The following SNX9 variants were observed in gnomAD, a reference collection of about 807,000 sequenced individuals.
The protein encoded by SNX9 is sorting nexin 9, also known as sorting nexin-9.
A neutral mutation model predicts 89.4 loss-of-function variants in SNX9; 44 were observed. The ratio of observed to expected loss-of-function variants is 0.49; its 90% CI spans 0.39 to 0.63. The LOEUF (loss-of-function observed/expected upper bound fraction) is 0.63, where lower values mean the gene tolerates loss of function less well. SNX9 is among the 30% of genes least tolerant of loss of function. SNX9 has a pLI of 0.00. For missense variants in SNX9, 578 were observed against 736.1 expected (o/e 0.79, Z 2.49); for synonymous variants, 236 against 247.8 (o/e 0.95, Z 0.45).
intron 2 of SNX9, among the ~76,000 whole-genome samples, chr6:157,870,324 T>A (rs762545143): frequency 1.3e-5 from 2 of 148,752 alleles, no homozygotes; most frequent in Non-Finnish European, 3.0e-5. Context: ...ACCTACTCTC[T>A]CACCTGCGCT....
chr6:157,838,256 G>A (rs1781623647), intron 1 of SNX9, among the ~76,000 whole-genome samples: 1 of 151,328 alleles, frequency 6.6e-6, no homozygotes, highest in Non-Finnish European at 1.5e-5. Flanking sequence ...CAAGCAGTCT[G>A]CCCACCTCAG....
At chr6:157,853,307 A>C (rs1252269845) in intron 1 of SNX9, among the ~76,000 whole-genome samples, 1 of 152,020 alleles carries the variant, frequency 6.6e-6, no homozygotes, top group East Asian at 1.9e-4. Context: ...AGAATTCTGC[A>C]GTTATTCTTT....
chr6:157,825,483 A>G (rs1454300949), intron 1 of SNX9, among the ~76,000 whole-genome samples: 1 of 152,166 alleles, frequency 6.6e-6, no homozygotes, highest in Non-Finnish European at 1.5e-5. Flanking sequence ...TGGTTCTTGT[A>G]TATTAATCTC....
chr6:157,932,311 CT>C, intron 13 of SNX9, 39 bp downstream of exon 13: 1 of 1,565,604 alleles, frequency 6.4e-7, no homozygotes, highest in Non-Finnish European at 8.8e-7. Context: ...CCTTTAGAGC[CT>C]TATGTAGACC....
At chr6:157,865,971 A>G (rs1782253145) in intron 1 of SNX9, among the ~76,000 whole-genome samples, 1 of 152,194 alleles carries the variant, frequency 6.6e-6, no homozygotes, top group Non-Finnish European at 1.5e-5. Context: ...CTTTTAAACC[A>G]TATGTTTCCT....
intron 1 of SNX9, among the ~76,000 whole-genome samples, chr6:157,854,184 A>G (rs992228899): frequency 6.6e-6 from 1 of 152,182 alleles, no homozygotes; most frequent in Non-Finnish European, 1.5e-5. Context: ...TTTAAACTTT[A>G]CTATATTTGT....
In SNX9 at chr6:157,942,843, G is replaced by A; in HGVS notation, c.*5G>A. The stretch of plus-strand genomic sequence containing the variant: ...AGCCGCTTTCCAGTGATGTAGGACA[G>A]AACGGGCCTTGAAGAGAATGCCGCG... On this transcript the variant is annotated 3_prime_UTR_variant, in exon 18 of 18. Coordinates refer to ENST00000392185, the MANE Select transcript of SNX9 (RefSeq NM_016224.5). 6.2e-7 allele frequency: 1 copy of A among 1,612,902 alleles called. No individual in the cohort carries two copies. The highest frequency in any genetic ancestry group is 8.5e-7 in the Non-Finnish European group (1 of 1,179,396).
At position 157,823,824 on chromosome 6, in the gene SNX9, T is replaced by A. The variant is rs1781286975; in HGVS notation, c.12+378T>A. 6.6e-6 allele frequency among the ~76,000 whole-genome samples: 1 copy of A among 151,922 alleles called. No individual in the cohort carries two copies. The highest frequency in any genetic ancestry group is 1.5e-5 in the Non-Finnish European group (1 of 67,938). ...CCGAGGCGACTGGCGCTCTGTGGCG[T>A]CCGGCGTCCCCGCCGCCCCCACGTC... On this transcript the variant is annotated intron_variant, in intron 1 of 17. Transcript: ENST00000392185. This position sits in a 1 kb window ranked among gnomAD's most constrained non-coding sequence, Gnocchi z 4.6.
intron 9 of SNX9, among the ~76,000 whole-genome samples, chr6:157,912,963 C>G (rs566086943): frequency 4.6e-5 from 7 of 152,110 alleles, no homozygotes; most frequent in Non-Finnish European, 1.0e-4. Context: ...AGAGATAAAC[C>G]AGCTATGTCA....
intron 1 of SNX9, among the ~76,000 whole-genome samples, chr6:157,825,973 A>C (rs558184358): frequency 6.6e-6 from 1 of 152,290 alleles, no homozygotes; most frequent in African/African-American, 2.4e-5. Context: ...TAACTGATGA[A>C]AAGTAAATTC....
At chr6:157,847,756 G>C (rs941752760) in intron 1 of SNX9, among the ~76,000 whole-genome samples, 25 of 152,050 alleles carry the variant, frequency 1.6e-4, no homozygotes, top group African/African-American at 6.0e-4. Flanking sequence ...ATATTTTTCA[G>C]TATATTTTAC....
chr6:157,921,363 T>G (rs1411605192), intron 9 of SNX9, among the ~76,000 whole-genome samples, 168 bp from the exon 10 acceptor site: 1 of 152,222 alleles, frequency 6.6e-6, no homozygotes, highest in African/African-American at 2.4e-5. Flanking sequence ...GAGCATTCGT[T>G]GTGTTGCTTG....
intron 1 of SNX9, among the ~76,000 whole-genome samples, chr6:157,840,937 G>A (rs1030113270): frequency 1.3e-5 from 2 of 152,190 alleles, no homozygotes; most frequent in Non-Finnish European, 2.9e-5. Flanking sequence ...ATAGACATAA[G>A]CAAAGTACTT....
chr6:157,888,228 C>T (rs574216851), intron 4 of SNX9, among the ~76,000 whole-genome samples: 2 of 152,286 alleles, frequency 1.3e-5, no homozygotes, highest in East Asian at 3.8e-4. Context: ...AGAATATTAA[C>T]ATTTTTTTTA....
chr6:157,851,494 C>T (rs1425682173), intron 1 of SNX9, among the ~76,000 whole-genome samples: 1 of 152,146 alleles, frequency 6.6e-6, no homozygotes, highest in Non-Finnish European at 1.5e-5. Flanking sequence ...ACAATAACTC[C>T]CCATTTCCCA....
intron 4 of SNX9, among the ~76,000 whole-genome samples, chr6:157,877,563 T>C (rs1782544353): frequency 2.0e-5 from 3 of 152,222 alleles, no homozygotes; most frequent in Admixed American, 2.0e-4. Context: ...GGTAGCTTTT[T>C]AAACATTTTC....
At chr6:157,878,049 A>G (rs1782552803) in intron 4 of SNX9, among the ~76,000 whole-genome samples, 1 of 152,208 alleles carries the variant, frequency 6.6e-6, no homozygotes, top group Non-Finnish European at 1.5e-5. Context: ...ATAACCTACT[A>G]TGTAAGATAG....
chr6:157,927,969 G>A (rs1036318423), intron 11 of SNX9, among the ~76,000 whole-genome samples: 5 of 151,468 alleles, frequency 3.3e-5, no homozygotes, highest in African/African-American at 9.7e-5. Context: ...CTTCAACCAC[G>A]CAGAGAGAAA....
chr6:157,911,061 C>A (rs1167775144), intron 9 of SNX9, among the ~76,000 whole-genome samples: 1 of 151,862 alleles, frequency 6.6e-6, no homozygotes, highest in Non-Finnish European at 1.5e-5. Flanking sequence ...TGCGGTGAGC[C>A]GAGATTGCGC....
Sources: gnomAD v4.1 joint callset for allele counts (sites outside exome capture counted in the v4.1 genomes callset) on GRCh38, gnomAD v4.1.1 for gene constraint, Gnocchi (gnomAD v3.1) non-coding constraint, MANE v1.5 for transcripts, NCBI Gene and HGNC (gene_info 2026-07-23, HGNC 2026-07-21) for gene names.